Variants in GRM5 observed in about 807,000 individuals in gnomAD.
The protein encoded by GRM5 is glutamate metabotropic receptor 5.
GRM5 carries 19 observed loss-of-function variants against 83.1 expected under a neutral mutation model. That is an observed-to-expected ratio of 0.23 (90% CI 0.16 to 0.34). GRM5 has a LOEUF of 0.34. GRM5 is among the 10% of genes least tolerant of loss of function. The pLI is 1.00. For synonymous variants in GRM5, 675 were observed against 633.6 expected (o/e 1.07, Z -0.98); for missense variants, 1,160 against 1,588.3 (o/e 0.73, Z 4.58).
intron 3 of GRM5, among the ~76,000 whole-genome samples, chr11:88,711,276 T>C (rs182593507): frequency 2.0e-5 from 3 of 152,200 alleles, no homozygotes; most frequent in Admixed American, 6.6e-5. Context: ...CTTGCCTTCC[T>C]CTGTCTATCC....
chr11:89,026,171 G>T (rs1210081438), intron 2 of GRM5, among the ~76,000 whole-genome samples: 2 of 152,100 alleles, frequency 1.3e-5, no homozygotes, highest in African/African-American at 4.8e-5. Flanking sequence ...GAGGGTGGAG[G>T]GTAGGAGGAG....
chr11:88,770,550 T>C (rs1591502778), intron 3 of GRM5, among the ~76,000 whole-genome samples: 1 of 152,120 alleles, frequency 6.6e-6, no homozygotes, highest in East Asian at 1.9e-4. Context: ...AATGTTGCTT[T>C]TGGTTAATTG....
At chr11:89,026,308 C>G (rs1305894434) in intron 2 of GRM5, among the ~76,000 whole-genome samples, 1 of 152,060 alleles carries the variant, frequency 6.6e-6, no homozygotes, top group Non-Finnish European at 1.5e-5. Flanking sequence ...CCCCCTGAAC[C>G]TAAAGTAAAA....
intron 3 of GRM5, among the ~76,000 whole-genome samples, chr11:88,750,001 C>A (rs1334223670): frequency 6.6e-6 from 1 of 152,090 alleles, no homozygotes; most frequent in African/African-American, 2.4e-5. Flanking sequence ...GTACACAGAC[C>A]AGTGACACTA....
intron 2 of GRM5, among the ~76,000 whole-genome samples, chr11:89,013,163 G>T (rs1940756867): frequency 6.6e-6 from 1 of 152,106 alleles, no homozygotes; most frequent in African/African-American, 2.4e-5. Context: ...GTTGCTACAT[G>T]TAAGAGTTCT....
intron 3 of GRM5, among the ~76,000 whole-genome samples, chr11:88,723,708 C>A (rs901091960): frequency 6.6e-6 from 1 of 151,946 alleles, no homozygotes; most frequent in Non-Finnish European, 1.5e-5. Flanking sequence ...CAGTGTCAAC[C>A]TTTGTGTACT....
intron 3 of GRM5, among the ~76,000 whole-genome samples, chr11:88,731,410 G>A (rs957209155): frequency 1.3e-5 from 2 of 152,054 alleles, no homozygotes; most frequent in East Asian, 1.9e-4. Context: ...TAGACCTCAC[G>A]TCTTTCAAGA....
rs71046265 is a variant in GRM5 at position 88,845,423 on chromosome 11, C to CT, written c.911+4482dup. Among the ~76,000 whole-genome samples the CT allele has an allele frequency of 9.9e-3, 915 of 92,314 alleles. 129 individuals are homozygous for CT. The highest frequency in any genetic ancestry group is 0.028 in the African/African-American group (612 of 22,140). The allele number at this position is 92,314 out of a possible 152,430, so 60.6% of individuals were successfully genotyped here. Reference sequence around the variant, plus strand: ...AGGCTACAGTACAGTATAAACATAACTTTTTTTTTTTTTTTTTTTTTTTTT... The same window carrying CT: ...AGGCTACAGTACAGTATAAACATAACTTTTTTTTTTTTTTTTTTTTTTTTTT... On this transcript the variant is annotated intron_variant, in intron 3 of 9. Coordinates refer to ENST00000305447, the MANE Select transcript of GRM5 (RefSeq NM_001143831.3).
At chr11:88,930,556 T>C (rs1189077973) in intron 2 of GRM5, among the ~76,000 whole-genome samples, 3 of 152,078 alleles carry the variant, frequency 2.0e-5, no homozygotes. Context: ...GGAGTTTCGC[T>C]CTTGTTGCCT....
At chr11:88,782,482 G>T (rs1355308856) in intron 3 of GRM5, among the ~76,000 whole-genome samples, 1 of 152,138 alleles carries the variant, frequency 6.6e-6, no homozygotes, top group African/African-American at 2.4e-5. Flanking sequence ...CTGCCCTTGT[G>T]ATTCAATCAC....
rs374236867 is a variant in GRM5, at chr11:88,509,394, G to A, written c.2837C>T (p.Thr946Met). 2.5e-6 allele frequency: 4 copies of A among 1,612,820 alleles called. No individual in the cohort carries two copies. Among genetic ancestry groups the A allele is most frequent in the East Asian group, 2.2e-5 (1 of 44,848 alleles). Residue 946 changes from threonine (T) to methionine (M), a missense_variant, in exon 10 of 10, where the codon ACG becomes ATG. This residue lies in a region of GRM5 where 562 missense variants were observed against 532.4 expected (regional missense o/e 1.06). Transcript: ENST00000305447. ...CTTGGGGAAGGGCTTGATGACGGCC[G>A]TTTGGTTGGGGTTTTCTTTCTTGTT... ...HINKKENPNQ[T>M]AVIKPFPKST...
At chr11:88,645,238 G>A (rs1939409790) in intron 4 of GRM5, among the ~76,000 whole-genome samples, 1 of 152,124 alleles carries the variant, frequency 6.6e-6, no homozygotes, top group African/African-American at 2.4e-5. Context: ...AAGTATATCT[G>A]TGCTCAGTGT....
chr11:88,611,088 C>T (rs4533040), intron 4 of GRM5, among the ~76,000 whole-genome samples: 9,494 of 152,196 alleles, frequency 0.062, 316 homozygotes, highest in East Asian at 0.18. Context: ...GGTTAATTAA[C>T]ATTTTCATGT....
At chr11:88,721,656 T>C (rs939332846) in intron 3 of GRM5, among the ~76,000 whole-genome samples, 3 of 152,152 alleles carry the variant, frequency 2.0e-5, no homozygotes, top group Admixed American at 1.3e-4. Flanking sequence ...TTGTGCCATT[T>C]GGGTAAGTCT....
intron 3 of GRM5, among the ~76,000 whole-genome samples, chr11:88,816,016 A>G (rs2135502980): frequency 6.8e-6 from 1 of 147,984 alleles, no homozygotes; most frequent in East Asian, 2.0e-4. Context: ...GATCGAGACC[A>G]TCCTGGCTAA....
chr11:89,058,358 G>A (rs1238237804), intron 1 of GRM5, among the ~76,000 whole-genome samples: 1 of 152,154 alleles, frequency 6.6e-6, no homozygotes. Flanking sequence ...CCTGGCTTCT[G>A]TTCACTAGAC....
chr11:88,995,319 G>A (rs1384919161), intron 2 of GRM5, among the ~76,000 whole-genome samples: 1 of 151,910 alleles, frequency 6.6e-6, no homozygotes, highest in Non-Finnish European at 1.5e-5. Context: ...GGCCAAGGGA[G>A]GTGGATCACA....
intron 2 of GRM5, among the ~76,000 whole-genome samples, chr11:88,974,200 T>C (rs1357242436): frequency 6.6e-6 from 1 of 152,130 alleles, no homozygotes; most frequent in East Asian, 1.9e-4. Flanking sequence ...GTTTTAGGTA[T>C]CTCCAGAAAA....
chr11:88,635,519 T>C (rs1939094236), intron 4 of GRM5, among the ~76,000 whole-genome samples: 2 of 152,218 alleles, frequency 1.3e-5, no homozygotes, highest in South Asian at 4.1e-4. Flanking sequence ...AGATATGTTA[T>C]TATTTGTGTT....
Sources: allele counts gnomAD v4.1 joint callset (sites outside exome capture counted in the v4.1 genomes callset), GRCh38; gene constraint gnomAD v4.1.1; regional missense constraint gnomAD v4.1.1; transcripts MANE v1.5; gene names NCBI Gene and HGNC (gene_info 2026-07-23, HGNC 2026-07-21).